GNGT1: variants seen among roughly 807,000 people sequenced by gnomAD.
GNGT1 encodes the protein guanine nucleotide-binding protein G(T) subunit gamma-T1.
A neutral mutation model predicts 7.4 loss-of-function variants in GNGT1; 4 were observed. The observed-to-expected ratio is 0.54, with a 90% CI of 0.27 to 1.24. GNGT1 has a LOEUF of 1.24. Ranked by LOEUF, GNGT1 falls within the 50% of genes most tolerant of loss-of-function variation. The probability of loss-of-function intolerance (pLI) is 0.12; values close to 1 mark genes in which losing one functional copy is unlikely to be tolerated. For synonymous variants in GNGT1, 37 were observed against 30.2 expected (o/e 1.23, Z -0.74); for missense variants, 95 against 82.4 (o/e 1.15, Z -0.59).
Position 93,910,995 on chromosome 7 carries a change from T to G in GNGT1, c.*77T>G. ...TTAATAACAATATGAATTTTTCTCA[T>G]GCATACTATTACTACTAAGCATGTA... On this transcript the variant is annotated 3_prime_UTR_variant, in exon 3 of 3. Transcript: ENST00000248572. 2 of 1,026,036 alleles carry G rather than the reference T, an allele frequency of 1.9e-6. No homozygotes were observed. The highest frequency in any genetic ancestry group is 1.4e-6 in the Non-Finnish European group (1 of 721,782). The allele number at this position is 1,026,036 out of a possible 1,614,324, so 63.6% of individuals were successfully genotyped here. A position where few individuals can be genotyped will look rare whatever the true frequency, so the allele number is the denominator to read the frequency against.
In GNGT1 at chr7:93,910,770, C is replaced by T; in HGVS notation, c.97-20C>T. 1.3e-6 allele frequency: 2 copies of T among 1,563,736 alleles called. No individual in the cohort carries two copies. Among genetic ancestry groups the T allele is most frequent in the Non-Finnish European group, 1.7e-6 (2 of 1,149,538 alleles). ...TCTGTTTTAAACCAAATGAGTCATC[C>T]CTTTTTCCTTCCCCTTAAGGTTTCC... On this transcript the variant is annotated intron_variant, in intron 2 of 2. Transcript: ENST00000248572.
intron 2 of GNGT1, chr7:93,909,963 C>A (rs1794435226): frequency 6.5e-6 from 1 of 154,488 alleles, no homozygotes; most frequent in Non-Finnish European, 1.4e-5. Context: ...TGAAAACAAA[C>A]AAGTTGAAGC....
Position 93,908,411 on chromosome 7 carries a change from G to A in GNGT1, c.96+1569G>A, listed in dbSNP as rs1479050955. ...AGATCAAGACATCAGCAGATTCAGC[G>A]TCTGGCGAGGGCCTGCTCCCTCCTT... On this transcript the variant is annotated intron_variant, in intron 2 of 2. Transcript: ENST00000248572. 5.9e-5 allele frequency among the ~76,000 whole-genome samples: 9 copies of A among 151,750 alleles called. 1 individual carries two copies. The highest frequency in any genetic ancestry group is 6.6e-5 in the Admixed American group (1 of 15,168).
At chr7:93,909,907 C>T (rs560775665) in intron 2 of GNGT1, 76 of 159,432 alleles carry the variant, frequency 4.8e-4, no homozygotes, top group Middle Eastern at 3.3e-3. Context: ...AATAGACTGA[C>T]AAAAATAAAG....
intron 1 of GNGT1, 45 bp from the exon 2 acceptor site, chr7:93,906,691 A>G: frequency 4.2e-6 from 4 of 957,380 alleles, no homozygotes; most frequent in Middle Eastern, 4.2e-4. Flanking sequence ...GACTTGAAAT[A>G]ACTCCAGCAA....
At chr7:93,908,722 T>C (rs1267326753) in intron 2 of GNGT1, among the ~76,000 whole-genome samples, 1 of 151,828 alleles carries the variant, frequency 6.6e-6, no homozygotes, top group Non-Finnish European at 1.5e-5. Context: ...CCCCTAGCTC[T>C]GATGTATAAT....
chr7:93,910,654 A>G (rs1444488416), intron 2 of GNGT1, 136 bp from the exon 3 acceptor site: 2 of 513,156 alleles, frequency 3.9e-6, no homozygotes, highest in Non-Finnish European at 6.8e-6. Context: ...TACAAAGTAA[A>G]TATGCATTGG....
At chr7:93,909,882 A>G (rs934703011) in intron 2 of GNGT1, 1 of 176,536 alleles carries the variant, frequency 5.7e-6, no homozygotes, top group Admixed American at 6.0e-5. Flanking sequence ...TAAATGACTT[A>G]TGGAATGGCC....
intron 2 of GNGT1, among the ~76,000 whole-genome samples, chr7:93,907,150 A>AAG (rs1052952381): frequency 6.6e-6 from 1 of 152,038 alleles, no homozygotes; most frequent in Non-Finnish European, 1.5e-5. Context: ...AGAGAGAAAG[A>AAG]AGAGAGAGAG....
In GNGT1 at chr7:93,911,155, T is replaced by G; in HGVS notation, c.*237T>G. ...GCCAATAAATATTGCTTAAAGTTCTTTAAAAAGAACTATGTTTTATAAATG... is the reference window on the plus strand; with the variant it reads ...GCCAATAAATATTGCTTAAAGTTCTGTAAAAAGAACTATGTTTTATAAATG... On this transcript the variant is annotated 3_prime_UTR_variant, in exon 3 of 3. Transcript: ENST00000248572. 4.4e-6 allele frequency: 1 copy of G among 226,070 alleles called. No homozygotes were observed. Among genetic ancestry groups the G allele is most frequent in the Non-Finnish European group, 8.6e-6 (1 of 115,876 alleles). The allele number at this position is 226,070 out of a possible 1,614,324, so 14.0% of individuals were successfully genotyped here. A position where few individuals can be genotyped will look rare whatever the true frequency, so the allele number is the denominator to read the frequency against.
chr7:93,906,709 A>G, intron 1 of GNGT1, 27 bp from the exon 2 acceptor site: 1 of 1,192,198 alleles, frequency 8.4e-7, no homozygotes, highest in Non-Finnish European at 1.2e-6. Flanking sequence ...CAATTCATGC[A>G]TAGCTGCTAA....
intron 2 of GNGT1, chr7:93,910,242 T>C (rs1164490140): frequency 6.6e-6 from 1 of 152,256 alleles, no homozygotes; most frequent in Non-Finnish European, 1.5e-5. Flanking sequence ...CTGTTCTAGA[T>C]GGCTGGGATA....
At position 93,910,812 on chromosome 7, in the gene GNGT1, T is replaced by G; in HGVS notation, c.119T>G (p.Val40Gly). ...AAGGTTTCCAAATGTTGTGAAGAAG[T>G]AAGAGATTACGTTGAAGAACGATCT... ...RMLVSKCCEEVRDYVEERSGE... is the reference protein window; with the variant it reads ...RMLVSKCCEEGRDYVEERSGE... Residue 40 changes from valine to glycine, a missense_variant, in exon 3 of 3, where the codon GTA (valine) becomes GGA (glycine). By Grantham distance (109) the Val-to-Gly change is moderately radical. Coordinates refer to ENST00000248572, the MANE Select transcript of GNGT1 (RefSeq NM_021955.5). 1 of 1,604,768 alleles carries G rather than the reference T, an allele frequency of 6.2e-7. No individual in the cohort carries two copies. The highest frequency in any genetic ancestry group is 8.5e-7 in the Non-Finnish European group (1 of 1,174,402).
intron 2 of GNGT1, 80 bp from the exon 3 acceptor site, chr7:93,910,710 T>C: frequency 1.0e-6 from 1 of 989,416 alleles, no homozygotes; most frequent in African/African-American, 1.6e-5. Flanking sequence ...CCTGAAAATT[T>C]ATTGTAATAA....
intron 2 of GNGT1, among the ~76,000 whole-genome samples, chr7:93,907,846 C>T (rs180274): frequency 0.57 from 87,225 of 151,996 alleles, 26,156 homozygotes; most frequent in East Asian, 0.72. Context: ...TTGCCCTTTC[C>T]ATACAGGCAA....
At chr7:93,908,862 T>G (rs1344217259) in intron 2 of GNGT1, among the ~76,000 whole-genome samples, 1 of 152,042 alleles carries the variant, frequency 6.6e-6, no homozygotes, top group Non-Finnish European at 1.5e-5. Context: ...ACAACAAATT[T>G]TTGCCTGTGC....
Position 93,910,960 on chromosome 7 carries a change from ATC to A in GNGT1, c.*45_*46del. 1 of 1,400,420 alleles carries A rather than the reference ATC, an allele frequency of 7.1e-7. No homozygotes were observed. The highest frequency in any genetic ancestry group is 9.8e-7 in the Non-Finnish European group (1 of 1,025,534). 86.7% of individuals were successfully genotyped at this position (1,400,420 alleles called of 1,614,324 possible). A position where few individuals can be genotyped will look rare whatever the true frequency, so the allele number is the denominator to read the frequency against. ...AAAAATTAAACAAATTCTTGGAAATATCTCAAATGTTAATAACAATATGAATT... is the reference window on the plus strand; with the variant it reads ...AAAAATTAAACAAATTCTTGGAAATATCAAATGTTAATAACAATATGAATT... On this transcript the variant is annotated 3_prime_UTR_variant, in exon 3 of 3. Coordinates refer to ENST00000248572, the MANE Select transcript of GNGT1 (RefSeq NM_021955.5).
intron 2 of GNGT1, among the ~76,000 whole-genome samples, chr7:93,907,045 T>C (rs1047816867): frequency 1.3e-5 from 2 of 152,066 alleles, no homozygotes; most frequent in Admixed American, 6.6e-5. Flanking sequence ...GCAAACCATT[T>C]TCCTCTGGCC....
intron 2 of GNGT1, among the ~76,000 whole-genome samples, chr7:93,907,660 A>T (rs539007651): frequency 1.3e-5 from 2 of 152,332 alleles, no homozygotes; most frequent in African/African-American, 4.8e-5. Context: ...TTAACAGTAG[A>T]ACAAAACCTC....
Sources: allele counts gnomAD v4.1 joint callset (sites outside exome capture counted in the v4.1 genomes callset), GRCh38; gene constraint gnomAD v4.1.1; transcripts MANE v1.5; gene names NCBI Gene and HGNC (gene_info 2026-07-23, HGNC 2026-07-21).